ANKRD30B: variants seen among roughly 807,000 people sequenced by gnomAD.
ANKRD30B encodes the protein ankyrin repeat domain-containing protein 30B.
In ANKRD30B, 144 loss-of-function variants were observed where a neutral mutation model predicts 202.2. The observed-to-expected ratio is 0.71, with a 90% CI of 0.62 to 0.82. The LOEUF is 0.82. ANKRD30B is among the 40% of genes least tolerant of loss of function. The pLI is 0.00. For synonymous variants in ANKRD30B, 508 were observed against 561.3 expected (o/e 0.91, Z 1.34); for missense variants, 1,487 against 1,669.1 (o/e 0.89, Z 1.90).
the ANKRD30B span, among the ~76,000 whole-genome samples, chr18:14,865,170 T>C: frequency 1.3e-5 from 2 of 151,816 alleles, no homozygotes; most frequent in Non-Finnish European, 2.9e-5. Context: ...TTCTACACTT[T>C]CTTTTCTGCC....
At chr18:14,898,558 A>T in the ANKRD30B span, among the ~76,000 whole-genome samples, 1 of 152,138 alleles carries the variant, frequency 6.6e-6, no homozygotes, top group African/African-American at 2.4e-5. Flanking sequence ...CTCCTGCCGC[A>T]AACTGGTATT....
At chr18:14,878,830 T>C in the ANKRD30B span, among the ~76,000 whole-genome samples, 4 of 152,246 alleles carry the variant, frequency 2.6e-5, no homozygotes, top group African/African-American at 4.8e-5. Flanking sequence ...GTTAAGTAAG[T>C]ATTAAGGCCA....
intron 22 of ANKRD30B, 65 bp downstream of exon 22, chr18:14,799,360 AC>A (rs1969162142): frequency 7.4e-7 from 1 of 1,359,592 alleles, no homozygotes; most frequent in Admixed American, 2.8e-5. Context: ...AATGCTGAGC[AC>A]CTTTTTATTC....
chr18:14,874,129 G>C, the ANKRD30B span, among the ~76,000 whole-genome samples: 3 of 152,138 alleles, frequency 2.0e-5, no homozygotes, highest in Non-Finnish European at 4.4e-5. Context: ...TTAATGCATG[G>C]GAAGGGCTTC....
At chr18:14,818,975 C>A (rs1219034075) in intron 30 of ANKRD30B, among the ~76,000 whole-genome samples, 1 of 152,126 alleles carries the variant, frequency 6.6e-6, no homozygotes, top group Non-Finnish European at 1.5e-5. Flanking sequence ...TACAGTCCCA[C>A]CAACAGTGTC....
intron 15 of ANKRD30B, among the ~76,000 whole-genome samples, chr18:14,788,972 T>C (rs1362210574): frequency 2.0e-5 from 3 of 152,164 alleles, no homozygotes; most frequent in Admixed American, 6.5e-5. Flanking sequence ...ATCGCCACAC[T>C]GACTTCCACA....
Position 14,852,326 on chromosome 18 carries a change from G to A in ANKRD30B, c.4382G>A (p.Arg1461His), listed in dbSNP as rs200287946. 3.2e-4 allele frequency: 491 copies of A among 1,545,516 alleles called. 1 individual carries two copies. Among genetic ancestry groups the A allele is most frequent in the Non-Finnish European group, 3.7e-4 (427 of 1,145,082 alleles). The change falls in exon 42 of 44, where the codon CGT becomes CAT. Residue 1461 changes from arginine (R) to histidine (H), a missense_variant. Coordinates refer to ENST00000690538, the MANE Select transcript of ANKRD30B (RefSeq NM_001367607.2). ...NIQFPEMKMQ[R>H]HLNEKNEEVF... Reference sequence around the variant, plus strand: ...CAGTTTCCTGAGATGAAAATGCAACGTCATCTAAACGAGAAAAATGAGGAG... The same window carrying A: ...CAGTTTCCTGAGATGAAAATGCAACATCATCTAAACGAGAAAAATGAGGAG...
At chr18:14,751,407 T>G (rs1207368583) in intron 1 of ANKRD30B, among the ~76,000 whole-genome samples, 1 of 152,070 alleles carries the variant, frequency 6.6e-6, no homozygotes, top group African/African-American at 2.4e-5. Context: ...AAAAATTTCA[T>G]GTTTACCTGC....
the ANKRD30B span, among the ~76,000 whole-genome samples, chr18:14,876,030 C>T: frequency 1.3e-5 from 2 of 152,104 alleles, no homozygotes; most frequent in Non-Finnish European, 2.9e-5. Context: ...TTGTACTGCT[C>T]AAGTCAGAGC....
chr18:14,809,661 C>A (rs1161332725), intron 26 of ANKRD30B, among the ~76,000 whole-genome samples: 2 of 151,010 alleles, frequency 1.3e-5, no homozygotes, highest in African/African-American at 4.9e-5. Context: ...CGTCCATTCA[C>A]AGGCTCTCTG....
chr18:14,810,027 A>C lies in ANKRD30B; in HGVS notation c.2415+13A>C. On this transcript the variant is annotated intron_variant, in intron 27 of 43. Transcript: ENST00000690538. ...TGGTCTTCTGAAGGTAATAACTTTT[A>C]TATTTTTATCTTGAATATTACCTAC... 6.9e-7 allele frequency: 1 copy of C among 1,444,130 alleles called. No individual in the cohort carries two copies. Among genetic ancestry groups the C allele is most frequent in the East Asian group, 2.3e-5 (1 of 42,934 alleles). The allele number at this position is 1,444,130 out of a possible 1,614,324, so 89.5% of individuals were successfully genotyped here. A position where few individuals can be genotyped will look rare whatever the true frequency, so the allele number is the denominator to read the frequency against.
chr18:14,758,053 C>A, intron 5 of ANKRD30B, 101 bp downstream of exon 5: 1 of 1,325,080 alleles, frequency 7.5e-7, no homozygotes, highest in Admixed American at 2.6e-5. Context: ...AGAAACTAGG[C>A]AAAAAGCCAG....
chr18:14,825,620 AC>A lies in ANKRD30B; in HGVS notation c.2744-2652del, dbSNP rs1354312078. Reference sequence around the variant, plus strand: ...CCAAATCATTTACTGAAGCTATGCAACCCCCCGGCCTTCCAAGAAGGTTTGT... The same window carrying A: ...CCAAATCATTTACTGAAGCTATGCAACCCCCGGCCTTCCAAGAAGGTTTGT... On this transcript the variant is annotated intron_variant, in intron 32 of 43. Coordinates refer to ENST00000690538, the MANE Select transcript of ANKRD30B (RefSeq NM_001367607.2). 4.0e-5 allele frequency among the ~76,000 whole-genome samples: 6 copies of A among 150,054 alleles called. No homozygotes were observed. In the South Asian group the frequency reaches 1.1e-3, roughly 27 times the overall value.
At chr18:14,770,813 A>G (rs1966946990) in intron 8 of ANKRD30B, among the ~76,000 whole-genome samples, 1 of 148,436 alleles carries the variant, frequency 6.7e-6, no homozygotes, top group African/African-American at 2.6e-5. Flanking sequence ...TTTCTATTGA[A>G]AGATAAAAAA....
the ANKRD30B span, among the ~76,000 whole-genome samples, chr18:14,922,535 C>CAG: frequency 1.3e-4 from 19 of 151,714 alleles, no homozygotes; most frequent in African/African-American, 4.6e-4. Context: ...GATGCCTGTA[C>CAG]TCCCAGCTAC....
At chr18:14,882,406 C>T in the ANKRD30B span, among the ~76,000 whole-genome samples, 2 of 152,294 alleles carry the variant, frequency 1.3e-5, no homozygotes, top group Non-Finnish European at 2.9e-5. Context: ...CATGTATTTG[C>T]ATGGTTTTGA....
the ANKRD30B span, among the ~76,000 whole-genome samples, chr18:14,934,939 CA>C: frequency 5.9e-5 from 9 of 151,270 alleles, no homozygotes; most frequent in African/African-American, 2.0e-4. Flanking sequence ...CACACACACA[CA>C]CACACACACC....
Position 14,769,387 on chromosome 18 carries a change from GT to G in ANKRD30B, c.1256+20del, listed in dbSNP as rs1824114029. The G allele has an allele frequency of 6.5e-7, 1 of 1,543,552 alleles. No individual in the cohort carries two copies. Among genetic ancestry groups the G allele is most frequent in the Non-Finnish European group, 8.7e-7 (1 of 1,142,888 alleles). On this transcript the variant is annotated intron_variant, in intron 8 of 43. Transcript: ENST00000690538. ...GCCTATATTCAGGTAAGACTTTGCG[GT>G]TTTTTAAAACGAATAGGTTAACTCA...
At chr18:14,754,572 G>T (rs545558911) in intron 3 of ANKRD30B, among the ~76,000 whole-genome samples, 1 of 152,192 alleles carries the variant, frequency 6.6e-6, no homozygotes, top group South Asian at 2.1e-4. Context: ...TTACTACTAT[G>T]TCTTAGGGTT....
Sources: gnomAD v4.1 joint callset for allele counts (sites outside exome capture counted in the v4.1 genomes callset) on GRCh38, gnomAD v4.1.1 for gene constraint, MANE v1.5 for transcripts, NCBI Gene and HGNC (gene_info 2026-07-23, HGNC 2026-07-21) for gene names.